Variants in SRBD1 observed in about 807,000 individuals in gnomAD.
The protein encoded by SRBD1 is S1 RNA-binding domain-containing protein 1.
In SRBD1, 88 loss-of-function variants were observed where a neutral mutation model predicts 115.3. The ratio of observed to expected loss-of-function variants is 0.76; its 90% confidence interval spans 0.64 to 0.91. SRBD1 has a LOEUF of 0.91. Ranked by LOEUF, SRBD1 falls within the 40% of genes least tolerant of loss-of-function variation. The pLI, the probability that SRBD1 is intolerant of heterozygous loss-of-function variation, is 0.00. For missense variants in SRBD1, 1,385 were observed against 1,177.4 expected (o/e 1.18, Z -2.58); for synonymous variants, 509 against 407.7 (o/e 1.25, Z -2.99).
chr2:45,606,832 C>T lies in SRBD1; in HGVS notation c.1-1391G>A, dbSNP rs190855170. 2.0e-5 allele frequency among the ~76,000 whole-genome samples: 3 copies of T among 152,334 alleles called. No individual in the cohort carries two copies. The East Asian group carries it at 5.8e-4, about 29-fold the overall frequency. On this transcript the variant is annotated intron_variant, in intron 1 of 20. Coordinates refer to ENST00000263736, the MANE Select transcript of SRBD1 (RefSeq NM_018079.5). Reference sequence around the variant, plus strand: ...AAACCATCAAACTATAAGGACTACACTAGGCTCTGACATGTTTGGAACCCT... The same window carrying T: ...AAACCATCAAACTATAAGGACTACATTAGGCTCTGACATGTTTGGAACCCT...
chr2:45,484,413 A>C (rs10427308), intron 15 of SRBD1, among the ~76,000 whole-genome samples: 127,835 of 152,138 alleles, frequency 0.84, 54,364 homozygotes, highest in African/African-American at 0.94. Flanking sequence ...TTACTCAACT[A>C]CCCTTTACTT....
intron 7 of SRBD1, among the ~76,000 whole-genome samples, chr2:45,578,352 A>C (rs1045895433): frequency 1.3e-5 from 2 of 152,232 alleles, no homozygotes; most frequent in Admixed American, 1.3e-4. Flanking sequence ...AAATCTAACT[A>C]TAAATACACA....
intron 14 of SRBD1, among the ~76,000 whole-genome samples, chr2:45,506,555 T>C (rs1039199032): frequency 1.3e-5 from 2 of 152,190 alleles, no homozygotes; most frequent in African/African-American, 2.4e-5. Flanking sequence ...GCCATACACT[T>C]GTGCCTATTT....
intron 14 of SRBD1, among the ~76,000 whole-genome samples, chr2:45,497,420 A>C (rs1290327589): frequency 6.6e-6 from 1 of 152,208 alleles, no homozygotes; most frequent in Non-Finnish European, 1.5e-5. Context: ...AAAACAACCC[A>C]CATTTCCATT....
chr2:45,520,851 C>T (rs1217259349), intron 14 of SRBD1, among the ~76,000 whole-genome samples: 1 of 152,174 alleles, frequency 6.6e-6, no homozygotes, highest in African/African-American at 2.4e-5. Context: ...TCAGTAAAAC[C>T]CCCACATTCA....
At chr2:45,603,227 A>T (rs533709723) in intron 2 of SRBD1, among the ~76,000 whole-genome samples, 7 of 152,310 alleles carry the variant, frequency 4.6e-5, no homozygotes, top group African/African-American at 1.7e-4. Flanking sequence ...TTATGAACAA[A>T]ACACAAGCAC....
chr2:45,542,897 A>T (rs1671992175), intron 14 of SRBD1, among the ~76,000 whole-genome samples: 3 of 152,260 alleles, frequency 2.0e-5, no homozygotes, highest in Admixed American at 2.0e-4. Context: ...TGCAGCAACA[A>T]GGATGAAATC....
intron 10 of SRBD1, among the ~76,000 whole-genome samples, chr2:45,557,465 T>A (rs1245720850): frequency 1.3e-5 from 2 of 152,152 alleles, no homozygotes; most frequent in South Asian, 2.1e-4. Flanking sequence ...AGTCTCAAGA[T>A]CCTCCCTTGG....
intron 16 of SRBD1, among the ~76,000 whole-genome samples, chr2:45,428,978 C>T (rs1012608012): frequency 6.6e-6 from 1 of 152,094 alleles, no homozygotes; most frequent in East Asian, 1.9e-4. Flanking sequence ...ACCACTGATC[C>T]CACAGAAATA....
chr2:45,544,296 C>T (rs932835590), intron 14 of SRBD1, among the ~76,000 whole-genome samples: 2 of 150,920 alleles, frequency 1.3e-5, no homozygotes, highest in South Asian at 2.1e-4. Flanking sequence ...GATTAGCCCA[C>T]ACTTAACATA....
At chr2:45,493,688 C>T (rs139204825) in intron 14 of SRBD1, among the ~76,000 whole-genome samples, 180 of 151,954 alleles carry the variant, frequency 1.2e-3, no homozygotes, top group African/African-American at 4.1e-3. Context: ...GTGGTACATG[C>T]CTGTAATCCC....
chr2:45,574,930 A>T (rs1673131582), intron 7 of SRBD1, among the ~76,000 whole-genome samples: 1 of 152,150 alleles, frequency 6.6e-6, no homozygotes, highest in South Asian at 2.1e-4. Context: ...ATAATACATA[A>T]TATACTGCCC....
intron 14 of SRBD1, among the ~76,000 whole-genome samples, chr2:45,512,896 G>C (rs549171730): frequency 1.3e-5 from 2 of 152,000 alleles, no homozygotes; most frequent in Non-Finnish European, 2.9e-5. Context: ...AGAAAAAAAA[G>C]GTCTGTCCCC....
chr2:45,393,474 G>A (rs936799494), intron 19 of SRBD1, among the ~76,000 whole-genome samples: 3 of 152,148 alleles, frequency 2.0e-5, no homozygotes, highest in Non-Finnish European at 4.4e-5. Context: ...TCCGCCTCCT[G>A]GGTTCACGCC....
intron 8 of SRBD1, 65 bp from the exon 9 acceptor site, chr2:45,573,407 A>G (rs1321037666): frequency 1.4e-5 from 22 of 1,531,240 alleles, no homozygotes; most frequent in Non-Finnish European, 1.7e-5. Flanking sequence ...TAAAGAATAT[A>G]TAGAAATAAG....
chr2:45,439,122 T>C (rs1400086458), intron 16 of SRBD1, among the ~76,000 whole-genome samples: 1 of 151,870 alleles, frequency 6.6e-6, no homozygotes, highest in African/African-American at 2.4e-5. Context: ...CCACAACCAC[T>C]TGTCAACCTC....
chr2:45,472,770 C>A (rs1216368983), intron 16 of SRBD1, among the ~76,000 whole-genome samples: 1 of 152,170 alleles, frequency 6.6e-6, no homozygotes, highest in Non-Finnish European at 1.5e-5. Context: ...TGAAGCTATG[C>A]TGTTAGGTAA....
intron 14 of SRBD1, among the ~76,000 whole-genome samples, chr2:45,503,817 A>T (rs1670713696): frequency 6.6e-6 from 1 of 152,198 alleles, no homozygotes; most frequent in Non-Finnish European, 1.5e-5. Flanking sequence ...TCCAAAAAGC[A>T]AATCCAAAGA....
chr2:45,504,548 T>G (rs1286072253), intron 14 of SRBD1, among the ~76,000 whole-genome samples: 2 of 152,170 alleles, frequency 1.3e-5, no homozygotes, highest in African/African-American at 4.8e-5. Context: ...CAATTATAAT[T>G]TAACCATAAT....
Sources: gnomAD v4.1 joint callset for allele counts (sites outside exome capture counted in the v4.1 genomes callset) on GRCh38, gnomAD v4.1.1 for gene constraint, MANE v1.5 for transcripts, NCBI Gene and HGNC (gene_info 2026-07-23, HGNC 2026-07-21) for gene names.